The following NRXN1 variants were observed in gnomAD, a reference collection of about 807,000 sequenced individuals.
NRXN1 encodes neurexin 1.
A neutral mutation model predicts 150.9 loss-of-function variants in NRXN1; 39 were observed. The observed-to-expected ratio is 0.26, with a 90% CI of 0.20 to 0.34. The LOEUF (loss-of-function observed/expected upper bound fraction) is 0.34, where lower values mean the gene tolerates loss of function less well. NRXN1 is among the 10% of genes least tolerant of loss of function. NRXN1 has a pLI of 1.00. For missense variants in NRXN1, 1,815 were observed against 1,949.9 expected, an observed-to-expected ratio of 0.93 and a Z score of 1.30; for synonymous variants, 924 against 757.0, an observed-to-expected ratio of 1.22 and a Z score of -3.62.
chr2:50,175,774 AG>A (rs2060316658), intron 18 of NRXN1, among the ~76,000 whole-genome samples: 1 of 152,178 alleles, frequency 6.6e-6, no homozygotes. Context: ...AAAAAATAAA[AG>A]AGAAATCAGT....
intron 19 of NRXN1, among the ~76,000 whole-genome samples, chr2:50,063,833 A>T (rs181317597): frequency 6.6e-6 from 1 of 152,274 alleles, no homozygotes; most frequent in Admixed American, 6.5e-5. Flanking sequence ...TGTACGCCTT[A>T]TGTATAACAC....
chr2:50,913,390 C>T (rs1033350997), intron 5 of NRXN1, among the ~76,000 whole-genome samples: 1 of 151,700 alleles, frequency 6.6e-6, no homozygotes, highest in Non-Finnish European at 1.5e-5. Flanking sequence ...ATTTAATTTT[C>T]TCCAAATGTC....
chr2:50,014,271 C>T (rs1391980169), intron 21 of NRXN1, among the ~76,000 whole-genome samples: 1 of 151,990 alleles, frequency 6.6e-6, no homozygotes. Flanking sequence ...GTTACCAATG[C>T]AACTAAACTT....
chr2:50,381,611 A>C (rs1420636063), intron 17 of NRXN1, among the ~76,000 whole-genome samples: 4 of 151,788 alleles, frequency 2.6e-5, no homozygotes, highest in Non-Finnish European at 5.9e-5. Context: ...AGAGTGATAT[A>C]GAATGGCATC....
chr2:50,514,345 A>G (rs192767685), intron 12 of NRXN1, among the ~76,000 whole-genome samples: 1 of 152,312 alleles, frequency 6.6e-6, no homozygotes, highest in African/African-American at 2.4e-5. Context: ...GTACCATAGC[A>G]TCTGAGAATT....
At position 50,582,862 on chromosome 2, in the gene NRXN1, C is replaced by T. The variant is rs148185825; in HGVS notation, c.1321-29837G>A. ...CCCCGCAATAGCTATCAGAACCAGT[C>T]CCACGTACCTTACTTCACAGCTGTC... is the stretch of plus-strand genomic sequence containing the variant. On this transcript the variant is annotated intron_variant, in intron 8 of 22. Transcript: ENST00000401669. 3.9e-5 allele frequency among the ~76,000 whole-genome samples: 6 copies of T among 152,206 alleles called. No individual in the cohort carries two copies. In the East Asian group the frequency reaches 1.2e-3, roughly 30 times the overall value.
chr2:50,654,615 A>G (rs1686140523), intron 5 of NRXN1, among the ~76,000 whole-genome samples: 1 of 152,044 alleles, frequency 6.6e-6, no homozygotes, highest in African/African-American at 2.4e-5. Flanking sequence ...ACTGACTTCC[A>G]CAATGGTTGA....
intron 15 of NRXN1, among the ~76,000 whole-genome samples, chr2:50,472,678 A>G (rs947273788): frequency 7.2e-5 from 11 of 152,038 alleles, no homozygotes; most frequent in Middle Eastern, 3.4e-3. Flanking sequence ...AGCTATTTCC[A>G]TAGACAACTA....
chr2:50,095,013 C>A (rs1221403660), intron 18 of NRXN1, among the ~76,000 whole-genome samples: 1 of 152,082 alleles, frequency 6.6e-6, no homozygotes, highest in Non-Finnish European at 1.5e-5. Context: ...CATTTCTGCC[C>A]TTTATGTCTT....
chr2:49,963,420 A>T (rs1394366071), intron 21 of NRXN1, among the ~76,000 whole-genome samples: 1 of 152,242 alleles, frequency 6.6e-6, no homozygotes. Context: ...CAAGAGAATG[A>T]GCAGAAGGAA....
At chr2:50,767,205 C>T (rs537589514) in intron 5 of NRXN1, among the ~76,000 whole-genome samples, 4 of 152,088 alleles carry the variant, frequency 2.6e-5, no homozygotes, top group Admixed American at 1.3e-4. Context: ...GCCTTAAATA[C>T]CATAGTTGAA....
chr2:50,899,334 T>C (rs923171707), intron 5 of NRXN1, among the ~76,000 whole-genome samples: 4 of 152,154 alleles, frequency 2.6e-5, no homozygotes, highest in African/African-American at 9.7e-5. Flanking sequence ...GCAGAAGGCT[T>C]GGAACATTAA....
chr2:50,666,749 T>G (rs577272334), intron 5 of NRXN1, among the ~76,000 whole-genome samples: 2 of 151,896 alleles, frequency 1.3e-5, no homozygotes, highest in Non-Finnish European at 2.9e-5. Context: ...CCAATTGTAA[T>G]TGTTACAATA....
chr2:50,055,485 T>C (rs556736036), intron 19 of NRXN1, among the ~76,000 whole-genome samples: 7 of 152,180 alleles, frequency 4.6e-5, no homozygotes, highest in Non-Finnish European at 1.0e-4. Context: ...TCACCAAACT[T>C]AATACCATAT....
chr2:50,282,235 C>G (rs1265234270), intron 17 of NRXN1, among the ~76,000 whole-genome samples: 7 of 152,140 alleles, frequency 4.6e-5, no homozygotes, highest in African/African-American at 1.7e-4. Flanking sequence ...AAATTTACCA[C>G]TTAAGTGATG....
At chr2:50,368,085 C>T (rs1372231218) in intron 17 of NRXN1, among the ~76,000 whole-genome samples, 1 of 152,008 alleles carries the variant, frequency 6.6e-6, no homozygotes, top group Non-Finnish European at 1.5e-5. Context: ...TTTGTCATTG[C>T]TTCCTAGAGT....
intron 5 of NRXN1, 79 bp downstream of exon 5, chr2:50,921,789 AG>A (rs1355426072): frequency 1.6e-6 from 1 of 606,564 alleles, no homozygotes; most frequent in Non-Finnish European, 2.6e-6. Flanking sequence ...CAATGCCAAA[AG>A]GTCTAAATAC....
At chr2:49,934,035 A>C (rs1670588502) in intron 22 of NRXN1, among the ~76,000 whole-genome samples, 1 of 152,160 alleles carries the variant, frequency 6.6e-6, no homozygotes, top group Non-Finnish European at 1.5e-5. Flanking sequence ...TTTTTCTGTG[A>C]GACATTCTAT....
chr2:50,409,981 C>G (rs1053796776), intron 17 of NRXN1, among the ~76,000 whole-genome samples: 6 of 152,146 alleles, frequency 3.9e-5, no homozygotes, highest in African/African-American at 1.4e-4. Flanking sequence ...CTTTAAATGT[C>G]TCTCTGATCT....
Sources: gnomAD v4.1 joint callset for allele counts (sites outside exome capture counted in the v4.1 genomes callset) on GRCh38, gnomAD v4.1.1 for gene constraint, MANE v1.5 for transcripts, NCBI Gene and HGNC (gene_info 2026-07-23, HGNC 2026-07-21) for gene names.